The following SKAP1 variants were observed in gnomAD, a reference collection of about 807,000 sequenced individuals.
SKAP1 encodes the protein src kinase-associated phosphoprotein 1.
SKAP1 carries 44 observed loss-of-function variants against 58.5 expected under a neutral mutation model. The ratio of observed to expected loss-of-function variants is 0.75; its 90% CI spans 0.59 to 0.97. SKAP1 has a LOEUF of 0.97. Ranked by LOEUF, SKAP1 falls within the 50% of genes least tolerant of loss-of-function variation. SKAP1 has a pLI of 0.00. For missense variants in SKAP1, 390 were observed against 435.2 expected, an observed-to-expected ratio of 0.90 and a Z score of 0.92; for synonymous variants, 127 against 149.7, an observed-to-expected ratio of 0.85 and a Z score of 1.11.
intron 11 of SKAP1, among the ~76,000 whole-genome samples, chr17:48,153,045 AC>A (rs2063922791): frequency 7.1e-6 from 1 of 141,062 alleles, no homozygotes; most frequent in African/African-American, 2.6e-5. Flanking sequence ...ACACACACAC[AC>A]ACATACATAC....
At chr17:48,412,335 TC>T (rs2067675037) in intron 1 of SKAP1, among the ~76,000 whole-genome samples, 1 of 152,260 alleles carries the variant, frequency 6.6e-6, no homozygotes, top group South Asian at 2.1e-4. Context: ...ATTTTCATCA[TC>T]TTCTTTATAT....
At chr17:48,247,677 A>T (rs560291686) in intron 4 of SKAP1, among the ~76,000 whole-genome samples, 19 of 152,170 alleles carry the variant, frequency 1.2e-4, no homozygotes, top group East Asian at 9.6e-4. Context: ...TTATATATAT[A>T]TTTTTTCATC....
chr17:48,304,362 G>A (rs566459660), intron 4 of SKAP1, among the ~76,000 whole-genome samples: 1 of 152,284 alleles, frequency 6.6e-6, no homozygotes, highest in South Asian at 2.1e-4. Context: ...ATAATAGCTG[G>A]AAGAACAGAA....
chr17:48,145,885 C>T (rs1445935727), intron 11 of SKAP1, among the ~76,000 whole-genome samples: 2 of 152,040 alleles, frequency 1.3e-5, no homozygotes, highest in Non-Finnish European at 2.9e-5. Context: ...AAAAGGAACT[C>T]ACCATCCTCC....
intron 1 of SKAP1, among the ~76,000 whole-genome samples, chr17:48,404,346 C>T (rs1055145342): frequency 6.7e-6 from 1 of 149,284 alleles, no homozygotes; most frequent in African/African-American, 2.5e-5. Context: ...CAGCTACTCC[C>T]GAGGCTGAGG....
rs927678315 is a variant in SKAP1, at chr17:48,241,611, C to T, written c.281-52111G>A. On this transcript the variant is annotated intron_variant, in intron 4 of 12. Transcript: ENST00000336915. ...GATAAGTCTATATTTAATACTCTTC[C>T]TCTCTCGGGGAAGGCCTAACAAAGC... is the stretch of plus-strand genomic sequence containing the variant. Among the ~76,000 whole-genome samples, 5 of 152,164 alleles carry T rather than the reference C, an allele frequency of 3.3e-5. No homozygotes were observed. In the South Asian group the frequency reaches 8.3e-4, roughly 25 times the overall value.
intron 2 of SKAP1, among the ~76,000 whole-genome samples, chr17:48,381,790 T>C (rs533778512): frequency 1.1e-4 from 16 of 152,208 alleles, no homozygotes; most frequent in Non-Finnish European, 1.3e-4. Flanking sequence ...AATGATTTGG[T>C]TTATTCTGCT....
chr17:48,167,497 T>G (rs367913582), intron 10 of SKAP1, among the ~76,000 whole-genome samples: 1 of 152,158 alleles, frequency 6.6e-6, no homozygotes, highest in Non-Finnish European at 1.5e-5. Flanking sequence ...GTTTCTTTCA[T>G]GTAGTAGTTC....
At chr17:48,338,252 C>T (rs979853512) in intron 4 of SKAP1, among the ~76,000 whole-genome samples, 5 of 151,920 alleles carry the variant, frequency 3.3e-5, no homozygotes, top group East Asian at 1.9e-4. Context: ...CAGGTTCAAG[C>T]GATTTTCCTG....
intron 4 of SKAP1, among the ~76,000 whole-genome samples, chr17:48,253,728 C>A (rs200420796): frequency 2.1e-5 from 1 of 47,972 alleles, no homozygotes; most frequent in African/African-American, 6.6e-5. Context: ...CCTTCCTTAT[C>A]TCTCTCTGAG....
At chr17:48,395,622 A>T (rs2067408134) in intron 2 of SKAP1, among the ~76,000 whole-genome samples, 1 of 152,198 alleles carries the variant, frequency 6.6e-6, no homozygotes, top group African/African-American at 2.4e-5. Flanking sequence ...ACCAAAAATT[A>T]TAGATATTCC....
At chr17:48,237,313 T>C (rs907408512) in intron 4 of SKAP1, among the ~76,000 whole-genome samples, 5 of 152,272 alleles carry the variant, frequency 3.3e-5, no homozygotes, top group Non-Finnish European at 7.3e-5. Context: ...ACTTGTGTTC[T>C]TCCTATTTTC....
chr17:48,421,994 C>G (rs780306653), intron 1 of SKAP1, among the ~76,000 whole-genome samples: 1 of 152,030 alleles, frequency 6.6e-6, no homozygotes, highest in African/African-American at 2.4e-5. Flanking sequence ...GGGCAGATCA[C>G]GAGGCCAAGA....
intron 1 of SKAP1, among the ~76,000 whole-genome samples, chr17:48,409,171 C>G (rs1034257505): frequency 6.6e-6 from 1 of 152,146 alleles, no homozygotes; most frequent in African/African-American, 2.4e-5. Flanking sequence ...ATAGTCTTAC[C>G]ATAAGATCCA....
chr17:48,365,377 G>A (rs1912153), intron 2 of SKAP1, among the ~76,000 whole-genome samples: 51,380 of 151,992 alleles, frequency 0.34, 9,459 homozygotes, highest in African/African-American at 0.48. Flanking sequence ...CCCAAGAAAG[G>A]CTACTGTATT....
chr17:48,320,155 A>T (rs929881195), intron 4 of SKAP1, among the ~76,000 whole-genome samples: 3 of 152,190 alleles, frequency 2.0e-5, no homozygotes, highest in Non-Finnish European at 2.9e-5. Context: ...GATATCTATT[A>T]TTACCAAGAA....
At chr17:48,198,639 T>C (rs575888925) in intron 4 of SKAP1, among the ~76,000 whole-genome samples, 2 of 152,246 alleles carry the variant, frequency 1.3e-5, no homozygotes, top group South Asian at 4.1e-4. Flanking sequence ...TGTGGCATCA[T>C]GAATTCCCAC....
intron 4 of SKAP1, among the ~76,000 whole-genome samples, chr17:48,336,330 T>C (rs533046345): frequency 3.6e-4 from 55 of 152,158 alleles, no homozygotes; most frequent in African/African-American, 1.3e-3. Flanking sequence ...CCCCTCCCCA[T>C]AGGGCAGCTC....
chr17:48,152,898 G>A (rs939073955), intron 11 of SKAP1, among the ~76,000 whole-genome samples: 4 of 152,040 alleles, frequency 2.6e-5, no homozygotes, highest in African/African-American at 4.8e-5. Context: ...GTAAAGCATC[G>A]GGCAATTCTG....
Sources: allele counts gnomAD v4.1 joint callset (sites outside exome capture counted in the v4.1 genomes callset), GRCh38; gene constraint gnomAD v4.1.1; transcripts MANE v1.5; gene names NCBI Gene and HGNC (gene_info 2026-07-23, HGNC 2026-07-21).